Variants in PCDHA1 observed in about 807,000 individuals in gnomAD.
PCDHA1 encodes the protein protocadherin alpha-1.
In PCDHA1, 42 loss-of-function variants were observed where a neutral mutation model predicts 61.3. That is an observed-to-expected ratio of 0.69 (90% CI 0.54 to 0.89). The LOEUF (loss-of-function observed/expected upper bound fraction) is 0.89. Ranked by LOEUF, PCDHA1 falls within the 40% of genes least tolerant of loss-of-function variation. The pLI is 0.00. For synonymous variants in PCDHA1, 610 were observed against 553.8 expected, an observed-to-expected ratio of 1.10 and a Z score of -1.43; for missense variants, 1,256 against 1,235.3, an observed-to-expected ratio of 1.02 and a Z score of -0.25.
chr5:140,857,126 G>A, intron 1 of PCDHA1: 2 of 1,598,256 alleles, frequency 1.3e-6, no homozygotes, highest in Non-Finnish European at 1.7e-6. Flanking sequence ...CCCAGTGAAA[G>A]AAGATGCTCA....
chr5:140,836,926 G>A (rs1041643515), intron 1 of PCDHA1: 6 of 510,622 alleles, frequency 1.2e-5, no homozygotes, highest in Non-Finnish European at 1.7e-5. Flanking sequence ...TTTGGGATGC[G>A]TAATACTATA....
chr5:140,830,340 A>G (rs1554132759), intron 1 of PCDHA1: 16 of 1,613,958 alleles, frequency 9.9e-6, no homozygotes, highest in Non-Finnish European at 1.4e-5. Flanking sequence ...AGCTGGTCGT[A>G]CTCGCAGCAG....
At chr5:140,809,026 G>C in intron 1 of PCDHA1, 1 of 1,613,446 alleles carries the variant, frequency 6.2e-7, no homozygotes, top group Non-Finnish European at 8.5e-7. Flanking sequence ...AGCTGCAGCC[G>C]GGGACTGGTG....
intron 1 of PCDHA1, chr5:140,875,402 CT>C (rs2055455404): frequency 6.7e-7 from 1 of 1,488,754 alleles, no homozygotes; most frequent in African/African-American, 1.4e-5. Flanking sequence ...AGGGTGACTG[CT>C]CATAAAATAC....
chr5:140,963,216 T>C (rs868943222), intron 1 of PCDHA1, among the ~76,000 whole-genome samples: 24 of 152,176 alleles, frequency 1.6e-4, no homozygotes, highest in Admixed American at 1.2e-3. Context: ...ACCTCGTGTT[T>C]AGAGTAGACA....
At chr5:140,939,672 A>T (rs573857311) in intron 1 of PCDHA1, among the ~76,000 whole-genome samples, 1 of 152,314 alleles carries the variant, frequency 6.6e-6, no homozygotes, top group Non-Finnish European at 1.5e-5. Context: ...ACCAACTTGT[A>T]TGTATGTGTG....
At chr5:140,901,340 T>G (rs1306421981) in intron 1 of PCDHA1, among the ~76,000 whole-genome samples, 1 of 152,206 alleles carries the variant, frequency 6.6e-6, no homozygotes, top group Non-Finnish European at 1.5e-5. Context: ...CGTTTTATAG[T>G]TTGATGTCTT....
intron 1 of PCDHA1, chr5:140,841,459 C>A (rs1554138209): frequency 1.9e-6 from 3 of 1,612,886 alleles, no homozygotes; most frequent in African/African-American, 2.7e-5. Context: ...CCTTCGTGGG[C>A]CGGATCGCGC....
In PCDHA1 at chr5:140,807,552, A is replaced by G. The variant is rs1310483262; in HGVS notation, c.2394+18868A>G. On this transcript the variant is annotated intron_variant, in intron 1 of 3. Coordinates refer to ENST00000504120, the MANE Select transcript of PCDHA1 (RefSeq NM_018900.4). ...CTGCAGGTTTTCCATGTGGACGTGG[A>G]GGTGAGGGACATTAACGATAACCCG... is the stretch of plus-strand genomic sequence containing the variant. 2 of 1,613,986 alleles carry G rather than the reference A, an allele frequency of 1.2e-6. No homozygotes were observed. The highest frequency in any genetic ancestry group is 1.7e-6 in the Non-Finnish European group (2 of 1,180,018).
Position 140,877,146 on chromosome 5 carries a change from G to A in PCDHA1, c.2394+88462G>A, listed in dbSNP as rs781819140. The A allele has an allele frequency of 1.9e-6, 3 of 1,613,818 alleles. No individual in the cohort carries two copies. In the East Asian group the frequency reaches 6.7e-5, roughly 36 times the overall value. On this transcript the variant is annotated intron_variant, in intron 1 of 3. Coordinates refer to ENST00000504120, the MANE Select transcript of PCDHA1 (RefSeq NM_018900.4). ...CGCTGCAGGTGTTCGTGCTGGACGA[G>A]AACGACAACGCGCCGGCACTGCTGG...
intron 1 of PCDHA1, among the ~76,000 whole-genome samples, chr5:140,837,935 T>TC (rs1775325521): frequency 6.6e-6 from 1 of 151,856 alleles, no homozygotes; most frequent in Non-Finnish European, 1.5e-5. Flanking sequence ...TACCTTGGCC[T>TC]CCCAAAGTAT....
At chr5:140,870,618 C>A in intron 1 of PCDHA1, 1 of 1,613,174 alleles carries the variant, frequency 6.2e-7, no homozygotes, top group Non-Finnish European at 8.5e-7. Context: ...CGCTGTCGAG[C>A]TACGTGTCGG....
Position 140,856,423 on chromosome 5 carries a change from T to C in PCDHA1, c.2394+67739T>C, listed in dbSNP as rs1266159746. 5 of 1,598,178 alleles carry C rather than the reference T, an allele frequency of 3.1e-6. 1 individual carries two copies. In the African/African-American group the frequency reaches 4.0e-5, roughly 13 times the overall value. On this transcript the variant is annotated intron_variant, in intron 1 of 3. Transcript: ENST00000504120. ...ATGTGGACGTGGAAGTGAAGGACAT[T>C]AACGACAACCCGCCCAGGTTCTCCG...
Position 140,795,648 on chromosome 5 carries a change from A to G in PCDHA1, c.2394+6964A>G, listed in dbSNP as rs150530045. ...CTGAGCTCACGGGCACCGTTCAAAT[A>G]CTTATTAAGGTATTAGATGTAAATG... On this transcript the variant is annotated intron_variant, in intron 1 of 3. Coordinates refer to ENST00000504120, the MANE Select transcript of PCDHA1 (RefSeq NM_018900.4). 2.0e-4 allele frequency: 318 copies of G among 1,614,138 alleles called. 1 individual carries two copies. The African/African-American group carries it at 3.7e-3, about 19-fold the overall frequency.
intron 1 of PCDHA1, chr5:140,857,774 G>T: frequency 6.3e-7 from 1 of 1,597,758 alleles, no homozygotes; most frequent in Non-Finnish European, 8.6e-7. Flanking sequence ...GGGCGGTGCA[G>T]TCAGTGAGCT....
chr5:140,973,134 C>T (rs999970948), intron 1 of PCDHA1, among the ~76,000 whole-genome samples: 6 of 152,182 alleles, frequency 3.9e-5, no homozygotes, highest in Admixed American at 6.5e-5. Flanking sequence ...AGTTTGCATT[C>T]ACTTTCACTT....
intron 1 of PCDHA1, chr5:140,966,644 GCGTGAGCGGT>G (rs1554228519): frequency 3.3e-5 from 37 of 1,127,012 alleles, no homozygotes; most frequent in Non-Finnish European, 4.3e-5. Flanking sequence ...GCTTTCTAGA[GCGTGAGCGGT>G]GGGGGAGCAG....
At chr5:140,824,610 G>GTCT (rs1768191919) in intron 1 of PCDHA1, 1 of 95,104 alleles carries the variant, frequency 1.1e-5, no homozygotes, top group East Asian at 3.0e-4. Flanking sequence ...GCTAATTAAA[G>GTCT]TTTTTTTTTT....
chr5:140,817,688 C>CAGTA, intron 1 of PCDHA1: 1 of 152,288 alleles, frequency 6.6e-6, no homozygotes, highest in Admixed American at 6.5e-5. Context: ...TCTAGACACA[C>CAGTA]AGTACATTAT....
Sources: allele counts gnomAD v4.1 joint callset (sites outside exome capture counted in the v4.1 genomes callset), GRCh38; gene constraint gnomAD v4.1.1; transcripts MANE v1.5; gene names NCBI Gene and HGNC (gene_info 2026-07-23, HGNC 2026-07-21).